Variants in WRN observed in about 807,000 individuals in gnomAD.
The protein encoded by WRN is WRN RecQ like helicase.
WRN carries 149 observed loss-of-function variants against 180.7 expected under a neutral mutation model. The observed-to-expected ratio is 0.82, with a 90% CI of 0.72 to 0.94. WRN has a LOEUF of 0.94. Ranked by LOEUF, WRN falls within the 40% of genes least tolerant of loss-of-function variation. The pLI is 0.00. For missense variants in WRN, 1,661 were observed against 1,700.1 expected (o/e 0.98, Z 0.40); for synonymous variants, 548 against 568.9 (o/e 0.96, Z 0.52).
Position 31,041,037 on chromosome 8 carries a change from A to G in WRN, c.-77+7064A>G, listed in dbSNP as rs559777506. Among the ~76,000 whole-genome samples, 6 of 152,348 alleles carry G rather than the reference A, an allele frequency of 3.9e-5. No individual in the cohort carries two copies. The South Asian group carries it at 1.0e-3, about 26-fold the overall frequency. ...GTACTGATAGTTCATCCATAGTTAC[A>G]TAAGAAAAGGTAGATGTATTAGAGT... On this transcript the variant is annotated intron_variant, in intron 1 of 34. Coordinates refer to ENST00000298139, the MANE Select transcript of WRN (RefSeq NM_000553.6).
intron 1 of WRN, among the ~76,000 whole-genome samples, chr8:31,044,502 G>A (rs112561136): frequency 2.0e-5 from 3 of 151,702 alleles, no homozygotes; most frequent in Admixed American, 1.3e-4. Context: ...GATTACAGGC[G>A]CCCGCCACCA....
intron 8 of WRN, among the ~76,000 whole-genome samples, chr8:31,077,386 G>GC (rs1813137192): frequency 6.7e-6 from 1 of 149,552 alleles, no homozygotes; most frequent in Non-Finnish European, 1.5e-5. Flanking sequence ...GACTACCGGC[G>GC]CCCGCCACCC....
chr8:31,103,880 GCCCGCCACTGT>G (rs1378156993), intron 18 of WRN, among the ~76,000 whole-genome samples: 1 of 151,676 alleles, frequency 6.6e-6, no homozygotes, highest in Non-Finnish European at 1.5e-5. Context: ...GACTACAGGC[GCCCGCCACTGT>G]GCCCGGCTAA....
chr8:31,170,835 G>T (rs1238370866), intron 34 of WRN, among the ~76,000 whole-genome samples: 1 of 152,086 alleles, frequency 6.6e-6, no homozygotes, highest in Non-Finnish European at 1.5e-5. Context: ...CACACTTAGT[G>T]TAAGTAAGCA....
intron 24 of WRN, 55 bp from the exon 25 acceptor site, chr8:31,141,375 T>TA (rs1395305050): frequency 2.7e-5 from 43 of 1,603,300 alleles, no homozygotes; most frequent in African/African-American, 4.0e-5. Context: ...GTGTTTTACT[T>TA]AACCTATATG....
At chr8:31,067,556 G>A (rs1444433782) in intron 6 of WRN, among the ~76,000 whole-genome samples, 4 of 152,098 alleles carry the variant, frequency 2.6e-5, no homozygotes, top group African/African-American at 9.7e-5. Flanking sequence ...AATAATTATA[G>A]TACAGTTTCT....
At chr8:31,135,915 C>T (rs1802381646) in intron 24 of WRN, among the ~76,000 whole-genome samples, 1 of 152,072 alleles carries the variant, frequency 6.6e-6, no homozygotes, top group African/African-American at 2.4e-5. Context: ...GTACCCTGGC[C>T]AGTCAGTTCT....
At chr8:31,145,197 CAGA>C (rs549228849) in intron 28 of WRN, among the ~76,000 whole-genome samples, 138 of 152,262 alleles carry the variant, frequency 9.1e-4, no homozygotes, top group African/African-American at 2.5e-3. Context: ...TGCTTTCTAC[CAGA>C]AGAAGAAGCT....
intron 3 of WRN, among the ~76,000 whole-genome samples, chr8:31,062,942 C>G (rs141638418): frequency 6.6e-6 from 1 of 151,820 alleles, no homozygotes; most frequent in Non-Finnish European, 1.5e-5. Context: ...GTGATCCTTT[C>G]GCCTCAGCCT....
chr8:31,111,747 C>A lies in WRN; in HGVS notation c.2221C>A (p.Arg741=). The A allele has an allele frequency of 6.2e-7, 1 of 1,613,724 alleles. No individual in the cohort carries two copies. Among genetic ancestry groups the A allele is most frequent in the Non-Finnish European group, 8.5e-7 (1 of 1,179,924 alleles). The change falls in exon 19 of 35, where the codon CGA becomes AGA. Residue 741 remains arginine (R), a synonymous_variant. Transcript: ENST00000298139. ...ACCAAACCTGTATTTAGAAGTTAGG[C>A]GAAAAACAGGGAATATCCTTCAGGA... The part of the protein sequence containing the change: ...DRPNLYLEVR[R]KTGNILQDLQ...
intron 28 of WRN, among the ~76,000 whole-genome samples, chr8:31,143,875 A>T (rs377535130): frequency 1.3e-5 from 2 of 152,254 alleles, no homozygotes; most frequent in African/African-American, 4.8e-5. Context: ...GTGATATCTC[A>T]TTTAATTCTT....
intron 1 of WRN, among the ~76,000 whole-genome samples, chr8:31,038,190 G>A (rs371885324): frequency 2.0e-5 from 3 of 151,914 alleles, no homozygotes; most frequent in East Asian, 3.9e-4. Flanking sequence ...TTTTCCATGG[G>A]AGCAGTGTAC....
intron 28 of WRN, among the ~76,000 whole-genome samples, chr8:31,146,591 C>T (rs1185435666): frequency 1.3e-5 from 2 of 152,028 alleles, no homozygotes; most frequent in Non-Finnish European, 2.9e-5. Context: ...AAGAATGCTT[C>T]TTGTTCTCTT....
At chr8:31,105,321 A>G (rs571296735) in intron 18 of WRN, among the ~76,000 whole-genome samples, 1 of 152,180 alleles carries the variant, frequency 6.6e-6, no homozygotes, top group African/African-American at 2.4e-5. Context: ...TTCTTTCCTT[A>G]CTGTCTCTTT....
At chr8:31,090,559 TC>T in intron 14 of WRN, 27 bp downstream of exon 14, 1 of 1,598,744 alleles carries the variant, frequency 6.3e-7, no homozygotes, top group Non-Finnish European at 8.6e-7. Flanking sequence ...CAAAACCTAA[TC>T]CTTTAAAAAA....
intron 5 of WRN, 46 bp from the exon 6 acceptor site, chr8:31,066,987 G>A: frequency 1.2e-6 from 2 of 1,609,036 alleles, no homozygotes; most frequent in African/African-American, 2.7e-5. Flanking sequence ...GGTAATACCT[G>A]AAAACAGGAA....
chr8:31,074,551 G>A (rs910789459), intron 7 of WRN, among the ~76,000 whole-genome samples: 2 of 152,178 alleles, frequency 1.3e-5, no homozygotes, highest in Non-Finnish European at 2.9e-5. Context: ...AGTGGGAAAT[G>A]TAGAAGAATT....
chr8:31,122,860 GTTTTTTTTTTTTTTT>G lies in WRN; in HGVS notation c.2631-1651_2631-1637del, dbSNP rs71206298. 5.8e-5 allele frequency among the ~76,000 whole-genome samples: 4 copies of G among 69,482 alleles called. No homozygotes were observed. In the South Asian group the frequency reaches 2.1e-3, roughly 36 times the overall value. The allele number at this position is 69,482 out of a possible 152,430, so 45.6% of individuals were successfully genotyped here. On this transcript the variant is annotated intron_variant, in intron 21 of 34. Coordinates refer to ENST00000298139, the MANE Select transcript of WRN (RefSeq NM_000553.6). ...GAAGAGTGTGGGCATTTCTTTTCTTGTTTTTTTTTTTTTTTTTTTTTTTTTCTATAGGAGGGGAAC... is the reference window on the plus strand; with the variant it reads ...GAAGAGTGTGGGCATTTCTTTTCTTGTTTTTTTTTTCTATAGGAGGGGAAC...
At chr8:31,039,937 A>T (rs193227865) in intron 1 of WRN, among the ~76,000 whole-genome samples, 4 of 152,162 alleles carry the variant, frequency 2.6e-5, no homozygotes, top group African/African-American at 9.7e-5. Context: ...GTGTTATCTT[A>T]TAACAGAATC....
Sources: gnomAD v4.1 joint callset for allele counts (sites outside exome capture counted in the v4.1 genomes callset) on GRCh38, gnomAD v4.1.1 for gene constraint, MANE v1.5 for transcripts, NCBI Gene and HGNC (gene_info 2026-07-23, HGNC 2026-07-21) for gene names.